Variants in CFAP43 observed in about 807,000 individuals in gnomAD.
CFAP43 encodes the protein cilia- and flagella-associated protein 43.
Under a neutral mutation model 218.9 loss-of-function variants are expected in CFAP43, and 155 were observed. That is an observed-to-expected ratio of 0.71 (90% CI 0.62 to 0.81). The LOEUF (loss-of-function observed/expected upper bound fraction) is 0.81, where lower values mean the gene tolerates loss of function less well. Ranked by LOEUF, CFAP43 falls within the 30% of genes least tolerant of loss-of-function variation. CFAP43 has a pLI of 0.00. For synonymous variants in CFAP43, 645 were observed against 681.3 expected (o/e 0.95, Z 0.83); for missense variants, 1,778 against 1,954.3 (o/e 0.91, Z 1.70).
chr10:104,151,754 C>T (rs894609252), intron 28 of CFAP43, among the ~76,000 whole-genome samples: 5 of 152,052 alleles, frequency 3.3e-5, no homozygotes, highest in African/African-American at 1.2e-4. Context: ...TCCCATTTGT[C>T]CATTTTTGCT....
At chr10:104,162,273 A>T (rs1318703669) in intron 25 of CFAP43, 44 bp downstream of exon 25, 1 of 1,559,554 alleles carries the variant, frequency 6.4e-7, no homozygotes, top group Non-Finnish European at 8.8e-7. Flanking sequence ...AGTATCCCTA[A>T]AGCAAAGAGG....
At chr10:104,229,716 C>A (rs893090840) in intron 2 of CFAP43, among the ~76,000 whole-genome samples, 1 of 152,036 alleles carries the variant, frequency 6.6e-6, no homozygotes, top group African/African-American at 2.4e-5. Flanking sequence ...CAACATTGAG[C>A]ACTTGGCATA....
intron 10 of CFAP43, among the ~76,000 whole-genome samples, chr10:104,194,434 G>T (rs1182732557): frequency 6.6e-6 from 1 of 151,988 alleles, no homozygotes; most frequent in South Asian, 2.1e-4. Flanking sequence ...ATTTATTAGC[G>T]ATGGGGTCTT....
At chr10:104,170,473 C>T (rs978530865) in intron 20 of CFAP43, among the ~76,000 whole-genome samples, 37 of 152,036 alleles carry the variant, frequency 2.4e-4, no homozygotes, top group African/African-American at 8.0e-4. Flanking sequence ...AGTGAGGAAG[C>T]GGGCAGGCAC....
rs2090603440 is a variant in CFAP43 at position 104,203,815 on chromosome 10, T to C, written c.964-12A>G. 6.3e-7 allele frequency: 1 copy of C among 1,588,048 alleles called. No homozygotes were observed. On this transcript the variant is annotated splice_polypyrimidine_tract_variant and intron_variant, in intron 7 of 37. Coordinates refer to ENST00000357060, the MANE Select transcript of CFAP43 (RefSeq NM_025145.7). The stretch of plus-strand genomic sequence containing the variant: ...TACACAAAGCCATCCTAGAGATGAG[T>C]GAGATAAACATAGAAAATCAGTCTT...
intron 27 of CFAP43, among the ~76,000 whole-genome samples, chr10:104,157,348 A>G: frequency 6.6e-6 from 1 of 152,244 alleles, no homozygotes; most frequent in East Asian, 1.9e-4. Context: ...CTGTAGAAGT[A>G]TTTGGAATGT....
At chr10:104,151,441 C>T (rs1476870776) in intron 28 of CFAP43, among the ~76,000 whole-genome samples, 2 of 152,136 alleles carry the variant, frequency 1.3e-5, no homozygotes, top group East Asian at 1.9e-4. Flanking sequence ...GCCATTCTGA[C>T]TAGTGTGAGA....
chr10:104,161,875 C>T, intron 26 of CFAP43, 86 bp downstream of exon 26: 1 of 1,280,536 alleles, frequency 7.8e-7, no homozygotes. Context: ...TTCTAAAACC[C>T]AGGTTTATAT....
At chr10:104,194,111 G>A in intron 10 of CFAP43, 97 bp from the exon 11 acceptor site, 2 of 1,430,612 alleles carry the variant, frequency 1.4e-6, no homozygotes, top group South Asian at 1.3e-5. Context: ...CCTGCAGGAT[G>A]AGAAAAGTGG....
chr10:104,140,478 T>C, intron 34 of CFAP43, among the ~76,000 whole-genome samples: 1 of 152,220 alleles, frequency 6.6e-6, no homozygotes, highest in African/African-American at 2.4e-5. Context: ...ATGTAAAATA[T>C]TTGGTACAGC....
At chr10:104,154,898 C>A (rs2088457829) in intron 27 of CFAP43, among the ~76,000 whole-genome samples, 1 of 152,260 alleles carries the variant, frequency 6.6e-6, no homozygotes, top group South Asian at 2.1e-4. Context: ...AGGAAGAGTT[C>A]CTTGGGCCCT....
chr10:104,198,188 A>G (rs1218811464), intron 8 of CFAP43, 150 bp from the exon 9 acceptor site: 1 of 466,362 alleles, frequency 2.1e-6, no homozygotes, highest in African/African-American at 2.0e-5. Context: ...TTGACCCTGA[A>G]GGGCTTAAAA....
intron 27 of CFAP43, among the ~76,000 whole-genome samples, chr10:104,158,997 T>G (rs1385552933): frequency 6.6e-6 from 1 of 152,200 alleles, no homozygotes; most frequent in African/African-American, 2.4e-5. Context: ...TACATTTGAA[T>G]AATTCTAAAA....
chr10:104,174,365 G>A (rs1438632819), intron 19 of CFAP43, among the ~76,000 whole-genome samples: 1 of 152,216 alleles, frequency 6.6e-6, no homozygotes, highest in Admixed American at 6.5e-5. Context: ...CATGGCAGCA[G>A]ACAAGAGAAG....
intron 31 of CFAP43, 53 bp downstream of exon 31, chr10:104,145,421 CCT>C: frequency 8.3e-7 from 1 of 1,202,806 alleles, no homozygotes; most frequent in Non-Finnish European, 1.2e-6. Flanking sequence ...TAGTAACACT[CCT>C]CTTTATTTGC....
chr10:104,142,509 T>A, intron 32 of CFAP43, 116 bp from the exon 33 acceptor site: 1 of 600,924 alleles, frequency 1.7e-6, no homozygotes, highest in Non-Finnish European at 2.7e-6. Context: ...TCGAAGAAAG[T>A]AATAAAACAT....
chr10:104,140,338 A>G (rs1355994278), intron 34 of CFAP43, among the ~76,000 whole-genome samples: 2 of 152,330 alleles, frequency 1.3e-5, no homozygotes, highest in African/African-American at 4.8e-5. Context: ...GGGAGCTTTT[A>G]AAAAATACTC....
Position 104,152,744 on chromosome 10 carries a change from G to C in CFAP43, c.3541-18C>G. 4 of 1,600,536 alleles carry C rather than the reference G, an allele frequency of 2.5e-6. No individual in the cohort carries two copies. Among genetic ancestry groups the C allele is most frequent in the Non-Finnish European group, 3.4e-6 (4 of 1,176,470 alleles). On this transcript the variant is annotated intron_variant, in intron 27 of 37. Transcript: ENST00000357060. ...TCTAATGACTAAAAGGAAAACAATA[G>C]TAAAGTTAACGTTTAAGAGTATTAA...
At chr10:104,231,815 G>C (rs1040548907) in intron 1 of CFAP43, among the ~76,000 whole-genome samples, 1 of 152,208 alleles carries the variant, frequency 6.6e-6, no homozygotes, top group Non-Finnish European at 1.5e-5. Flanking sequence ...CGGGATCCGG[G>C]CTGTCGCCAG....
Sources: gnomAD v4.1 joint callset for allele counts (sites outside exome capture counted in the v4.1 genomes callset) on GRCh38, gnomAD v4.1.1 for gene constraint, MANE v1.5 for transcripts, NCBI Gene and HGNC (gene_info 2026-07-23, HGNC 2026-07-21) for gene names.